The following SLAIN1 variants were observed in gnomAD, a reference collection of about 807,000 sequenced individuals.
SLAIN1 encodes the protein SLAIN family member 1.
Under a neutral mutation model 55.4 loss-of-function variants are expected in SLAIN1, and 17 were observed. That is an observed-to-expected ratio of 0.31 (90% CI 0.21 to 0.46). The LOEUF (loss-of-function observed/expected upper bound fraction) is 0.46. Ranked by LOEUF, SLAIN1 falls within the 20% of genes least tolerant of loss-of-function variation. The pLI, the probability that SLAIN1 is intolerant of heterozygous loss-of-function variation, is 1.00. For missense variants in SLAIN1, 682 were observed against 785.1 expected, an observed-to-expected ratio of 0.87 and a Z score of 1.57; for synonymous variants, 348 against 337.4, an observed-to-expected ratio of 1.03 and a Z score of -0.35.
At position 77,698,131 on chromosome 13, in the gene SLAIN1, C is replaced by CAG; in HGVS notation, c.218_219insAG (p.Gly74ValfsTer126). ...CCGCCGCCCGCCGCGCCGCCCCCCG[C>CAG]TGGCCTGCAGCCTTTGGGTCCTCGG... On this transcript the variant is annotated frameshift_variant, in exon 1 of 7. Transcript: ENST00000418532. LOFTEE classifies it high-confidence loss of function. This position sits in a 1 kb window ranked among gnomAD's most constrained non-coding sequence, Gnocchi z 4.1. 1 of 630,954 alleles carries CAG rather than the reference C, an allele frequency of 1.6e-6. No individual in the cohort carries two copies. The highest frequency in any genetic ancestry group is 1.8e-6 in the Non-Finnish European group (1 of 558,302). 39.1% of individuals were successfully genotyped at this position (630,954 alleles called of 1,614,324 possible). A position where few individuals can be genotyped will look rare whatever the true frequency, so the allele number is the denominator to read the frequency against.
At chr13:77,729,982 C>A (rs2091342314) in intron 2 of SLAIN1, among the ~76,000 whole-genome samples, 1 of 151,988 alleles carries the variant, frequency 6.6e-6, no homozygotes, top group African/African-American at 2.4e-5. Flanking sequence ...TGTCCCAGGC[C>A]TTTTCTGTCA....
intron 2 of SLAIN1, chr13:77,743,204 A>G: frequency 7.8e-7 from 1 of 1,274,864 alleles, no homozygotes; most frequent in Non-Finnish European, 1.0e-6. Context: ...TTGCTTTGTA[A>G]TTCAGTTACT....
intron 2 of SLAIN1, among the ~76,000 whole-genome samples, chr13:77,729,644 G>C (rs1424045728): frequency 6.6e-6 from 1 of 152,072 alleles, no homozygotes; most frequent in Non-Finnish European, 1.5e-5. Context: ...AATGTGTTGA[G>C]TACTTATTAG....
intron 2 of SLAIN1, among the ~76,000 whole-genome samples, chr13:77,739,195 C>T (rs1566236892): frequency 1.3e-5 from 2 of 151,722 alleles, no homozygotes; most frequent in East Asian, 1.9e-4. Context: ...TATTTTTCAC[C>T]GAGATTTTAG....
chr13:77,756,480 T>C (rs1293449388), intron 5 of SLAIN1, among the ~76,000 whole-genome samples: 1 of 152,180 alleles, frequency 6.6e-6, no homozygotes, highest in Non-Finnish European at 1.5e-5. Context: ...TTATAAATAG[T>C]ATTTCCTCAG....
intron 1 of SLAIN1, among the ~76,000 whole-genome samples, chr13:77,701,123 G>T (rs1457244994): frequency 6.6e-6 from 1 of 152,032 alleles, no homozygotes; most frequent in African/African-American, 2.4e-5. Flanking sequence ...CAATATTAAG[G>T]AACAAGTTAC....
chr13:77,756,955 G>T (rs1384813122), intron 5 of SLAIN1, among the ~76,000 whole-genome samples: 1 of 152,076 alleles, frequency 6.6e-6, no homozygotes, highest in Non-Finnish European at 1.5e-5. Context: ...ATGATTAGTG[G>T]TTACATGAAC....
chr13:77,716,006 C>T (rs2091203063), intron 1 of SLAIN1, among the ~76,000 whole-genome samples: 1 of 152,086 alleles, frequency 6.6e-6, no homozygotes, highest in African/African-American at 2.4e-5. Flanking sequence ...CTCAAGGACA[C>T]ACATACTTTT....
chr13:77,703,888 A>T (rs1166415361), intron 1 of SLAIN1, among the ~76,000 whole-genome samples: 14 of 137,742 alleles, frequency 1.0e-4, no homozygotes, highest in African/African-American at 3.8e-4. Flanking sequence ...AAAAAAAAAA[A>T]TTATATATAT....
At chr13:77,706,556 T>C (rs1029041477) in intron 1 of SLAIN1, among the ~76,000 whole-genome samples, 5 of 152,208 alleles carry the variant, frequency 3.3e-5, no homozygotes, top group African/African-American at 4.8e-5. Context: ...TTAATCTCAT[T>C]GCTCTAGTTT....
intron 2 of SLAIN1, among the ~76,000 whole-genome samples, chr13:77,740,703 T>C (rs994265665): frequency 1.3e-5 from 2 of 152,060 alleles, no homozygotes; most frequent in African/African-American, 4.8e-5. Context: ...TCATTTTATA[T>C]ACCAAAAATC....
In SLAIN1 at chr13:77,735,834, C is replaced by A. The variant is rs1873090818; in HGVS notation, c.767-8449C>A. 2.0e-5 allele frequency among the ~76,000 whole-genome samples: 3 copies of A among 152,068 alleles called. No individual in the cohort carries two copies. In the South Asian group the frequency reaches 6.2e-4, roughly 32 times the overall value. ...ATTTTGGACACAGCCTTCCAGACCC[C>A]ATCTAACTCTTCTTCTCAGGACCTT... is the stretch of plus-strand genomic sequence containing the variant. On this transcript the variant is annotated intron_variant, in intron 2 of 6. Transcript: ENST00000418532.
At chr13:77,706,471 G>A (rs1273598616) in intron 1 of SLAIN1, among the ~76,000 whole-genome samples, 2 of 152,038 alleles carry the variant, frequency 1.3e-5, no homozygotes, top group African/African-American at 4.8e-5. Flanking sequence ...CCCTCATTAA[G>A]GTCATACACA....
At chr13:77,723,953 C>A (rs186963861) in intron 2 of SLAIN1, among the ~76,000 whole-genome samples, 1 of 149,774 alleles carries the variant, frequency 6.7e-6, no homozygotes, top group East Asian at 1.9e-4. Context: ...AAAAACACAT[C>A]TTCTAAACTC....
chr13:77,748,531 T>C (rs1873998386), intron 4 of SLAIN1, among the ~76,000 whole-genome samples: 2 of 151,958 alleles, frequency 1.3e-5, no homozygotes, highest in African/African-American at 2.4e-5. Context: ...AGCTGTTTGT[T>C]GCACCTCAGA....
At chr13:77,736,749 C>T (rs1247206801) in intron 2 of SLAIN1, among the ~76,000 whole-genome samples, 1 of 151,532 alleles carries the variant, frequency 6.6e-6, no homozygotes, top group Non-Finnish European at 1.5e-5. Context: ...GTAGTTGCCA[C>T]TATTAACTAT....
chr13:77,705,872 G>A (rs1436789185), intron 1 of SLAIN1, among the ~76,000 whole-genome samples: 1 of 151,768 alleles, frequency 6.6e-6, no homozygotes, highest in Non-Finnish European at 1.5e-5. Flanking sequence ...TTTAAATCCA[G>A]CTCTAGGCCA....
intron 1 of SLAIN1, among the ~76,000 whole-genome samples, chr13:77,710,441 C>T (rs536901820): frequency 1.9e-4 from 29 of 152,146 alleles, no homozygotes; most frequent in African/African-American, 5.1e-4. Flanking sequence ...GGGTTGCAAT[C>T]CTAGTCTCTG....
chr13:77,760,774 C>T, intron 5 of SLAIN1, 54 bp from the exon 6 acceptor site: 1 of 1,578,124 alleles, frequency 6.3e-7, no homozygotes, highest in South Asian at 1.1e-5. Context: ...CACACATTTC[C>T]TAAGTCGGAT....
Sources: gnomAD v4.1 joint callset for allele counts (sites outside exome capture counted in the v4.1 genomes callset) on GRCh38, gnomAD v4.1.1 for gene constraint, Gnocchi (gnomAD v3.1) non-coding constraint, MANE v1.5 for transcripts, NCBI Gene and HGNC (gene_info 2026-07-23, HGNC 2026-07-21) for gene names.